Variants in KIF13A observed in about 807,000 individuals in gnomAD.
The protein encoded by KIF13A is kinesin-like protein KIF13A.
In KIF13A, 79 loss-of-function variants were observed where a neutral mutation model predicts 212.2. The observed-to-expected ratio is 0.37, with a 90% CI of 0.31 to 0.45. KIF13A has a LOEUF of 0.45. KIF13A is among the 20% of genes least tolerant of loss of function. The pLI is 1.00. For synonymous variants in KIF13A, 789 were observed against 808.6 expected (o/e 0.98, Z 0.41); for missense variants, 1,901 against 2,209.0 (o/e 0.86, Z 2.79).
Position 17,834,855 on chromosome 6 carries a change from C to A in KIF13A, c.1156-784G>T, listed in dbSNP as rs565527847. Among the ~76,000 whole-genome samples, 35 of 152,232 alleles carry A rather than the reference C, an allele frequency of 2.3e-4. 1 individual carries two copies. Among genetic ancestry groups the A allele is most frequent in the African/African-American group, 8.2e-4 (34 of 41,542 alleles). On this transcript the variant is annotated intron_variant, in intron 11 of 38. Transcript: ENST00000259711. The surrounding 1 kb of genome is among the most constrained non-coding windows in gnomAD (Gnocchi z 4.0). ...GTATGCCTGAGGCTCATGGTATTAACAGAGCCTGACAGTGGCATTTAGTGC... is the reference window on the plus strand; with the variant it reads ...GTATGCCTGAGGCTCATGGTATTAAAAGAGCCTGACAGTGGCATTTAGTGC...
rs1769485482 is a variant in KIF13A at position 17,867,165 on chromosome 6, A to G, written c.220+6212T>C. 2.6e-5 allele frequency among the ~76,000 whole-genome samples: 4 copies of G among 152,214 alleles called. No homozygotes were observed. In the South Asian group the frequency reaches 8.3e-4, roughly 32 times the overall value. On this transcript the variant is annotated intron_variant, in intron 4 of 38. Coordinates refer to ENST00000259711, the MANE Select transcript of KIF13A (RefSeq NM_022113.6). ...GTCAGTTGTACTTCTCTGTAATTACATAATTTAATTAACAAATGCAAAAAA... is the reference window on the plus strand; with the variant it reads ...GTCAGTTGTACTTCTCTGTAATTACGTAATTTAATTAACAAATGCAAAAAA...
chr6:17,793,855 A>T (rs1761813567), intron 25 of KIF13A, among the ~76,000 whole-genome samples: 1 of 152,108 alleles, frequency 6.6e-6, no homozygotes, highest in African/African-American at 2.4e-5. Flanking sequence ...TCAAGGCTGC[A>T]GTGAGCCATG....
Position 17,804,341 on chromosome 6 carries a change from C to T in KIF13A, c.2454+20G>A. Reference sequence around the variant, plus strand: ...AAAAACTTGAACCACCATCGTTCTCCAAGGCTGGCCTGTGCTTACCTCCCC... The same window carrying T: ...AAAAACTTGAACCACCATCGTTCTCTAAGGCTGGCCTGTGCTTACCTCCCC... On this transcript the variant is annotated intron_variant, in intron 20 of 38. Transcript: ENST00000259711. The T allele has an allele frequency of 6.7e-7, 1 of 1,485,446 alleles. No individual in the cohort carries two copies. Among genetic ancestry groups the T allele is most frequent in the Non-Finnish European group, 9.0e-7 (1 of 1,111,340 alleles). The allele number at this position is 1,485,446 out of a possible 1,614,324, so 92.0% of individuals were successfully genotyped here.
In KIF13A at chr6:17,799,972, C is replaced by G; in HGVS notation, c.2596G>C (p.Val866Leu). The G allele has an allele frequency of 6.2e-7, 1 of 1,613,884 alleles. No homozygotes were observed. The highest frequency in any genetic ancestry group is 8.5e-7 in the Non-Finnish European group (1 of 1,179,824). The change falls in exon 21 of 39, where the codon GTC becomes CTC. Residue 866 changes from valine (V) to leucine (L), a missense_variant. Physicochemically the swap from Val to Leu is conservative, Grantham distance 32 (BLOSUM62 1). Coordinates refer to ENST00000259711, the MANE Select transcript of KIF13A (RefSeq NM_022113.6). This position sits in a 1 kb window ranked among gnomAD's most constrained non-coding sequence, Gnocchi z 4.4. ...CTCACCCGACATGTCAGCTTTTTGA[C>G]TCGGTGAATGATTTCCCCGCTGCTG... Reference protein sequence around the residue: ...VDSSGEIIHRVKKLTCRVKIK... With the variant: ...VDSSGEIIHRLKKLTCRVKIK...
rs548879431 is a variant in KIF13A, at chr6:17,800,133, C to T, written c.2455-20G>A. On this transcript the variant is annotated intron_variant, in intron 20 of 38. Transcript: ENST00000259711. ...TGCAACCTGGGTCAAGGAACCAGAG[C>T]ACCTTAGAGTGAACAGACATCCTGT... The T allele has an allele frequency of 1.3e-5, 21 of 1,609,896 alleles. No homozygotes were observed. The East Asian group carries it at 3.3e-4, about 26-fold the overall frequency.
Position 17,839,584 on chromosome 6 carries a change from C to G in KIF13A, c.831-2001G>C, listed in dbSNP as rs1320219480. ...CCATTGTCCTGGGTTGAACAGTATT[C>G]ATGTCCGCCAGACCCTCAGAATGTG... On this transcript the variant is annotated intron_variant, in intron 9 of 38. Coordinates refer to ENST00000259711, the MANE Select transcript of KIF13A (RefSeq NM_022113.6). This position sits in a 1 kb window ranked among gnomAD's most constrained non-coding sequence, Gnocchi z 4.3. Among the ~76,000 whole-genome samples the G allele has an allele frequency of 6.6e-6, 1 of 152,168 alleles. No homozygotes were observed. The highest frequency in any genetic ancestry group is 1.5e-5 in the Non-Finnish European group (1 of 68,030).
In KIF13A at chr6:17,914,818, A is replaced by T. The variant is rs1215009099; in HGVS notation, c.147-16638T>A. 6.6e-6 allele frequency among the ~76,000 whole-genome samples: 1 copy of T among 152,210 alleles called. No individual in the cohort carries two copies. Among genetic ancestry groups the T allele is most frequent in the Non-Finnish European group, 1.5e-5 (1 of 68,038 alleles). ...CAAAACAAAATTAAGCAGAGAAAAC[A>T]TGGCTCTTGTGCAATTCTCTTGTCA... On this transcript the variant is annotated intron_variant, in intron 2 of 38. Transcript: ENST00000259711. This position sits in a 1 kb window ranked among gnomAD's most constrained non-coding sequence, Gnocchi z 5.9.
rs1777507669 is a variant in KIF13A, at chr6:17,947,513, T to C, written c.146+39541A>G. On this transcript the variant is annotated intron_variant, in intron 2 of 38. Coordinates refer to ENST00000259711, the MANE Select transcript of KIF13A (RefSeq NM_022113.6). This position sits in a 1 kb window ranked among gnomAD's most constrained non-coding sequence, Gnocchi z 4.6. ...AAACTTCGTTGCCTGTTAAATTTCC[T>C]GAATTTGGTAATAGTCTTAGAAAAT... Among the ~76,000 whole-genome samples, 1 of 152,186 alleles carries C rather than the reference T, an allele frequency of 6.6e-6. No individual in the cohort carries two copies. Among genetic ancestry groups the C allele is most frequent in the African/African-American group, 2.4e-5 (1 of 41,450 alleles).
chr6:17,830,315 A>G (rs909349927), intron 13 of KIF13A, among the ~76,000 whole-genome samples: 3 of 152,164 alleles, frequency 2.0e-5, no homozygotes, highest in Non-Finnish European at 4.4e-5. Context: ...TCCAGAGTCT[A>G]TGAGACATGT....
At chr6:17,975,328 C>CA (rs1428225138) in intron 2 of KIF13A, among the ~76,000 whole-genome samples, 2 of 149,206 alleles carry the variant, frequency 1.3e-5, no homozygotes, top group Non-Finnish European at 3.0e-5. Flanking sequence ...TTAGTAGGTT[C>CA]TTGGTCTCAC....
chr6:17,961,203 A>G lies in KIF13A; in HGVS notation c.146+25851T>C, dbSNP rs557071662. Among the ~76,000 whole-genome samples, 1 of 151,440 alleles carries G rather than the reference A, an allele frequency of 6.6e-6. No homozygotes were observed. The highest frequency in any genetic ancestry group is 6.6e-5 in the Admixed American group (1 of 15,192). ...AAGAGCACTTCAAACTGGAGAAAAT[A>G]CGGAAGTGGAAACTGGGATGTGCAG... On this transcript the variant is annotated intron_variant, in intron 2 of 38. Coordinates refer to ENST00000259711, the MANE Select transcript of KIF13A (RefSeq NM_022113.6). This position sits in a 1 kb window ranked among gnomAD's most constrained non-coding sequence, Gnocchi z 4.1.
intron 2 of KIF13A, among the ~76,000 whole-genome samples, chr6:17,974,373 C>G (rs1230366693): frequency 6.6e-6 from 1 of 152,180 alleles, no homozygotes; most frequent in South Asian, 2.1e-4. Context: ...CCACTGCGCC[C>G]GGCGGGAACC....
chr6:17,942,268 C>T (rs1028013804), intron 2 of KIF13A, among the ~76,000 whole-genome samples: 1 of 151,938 alleles, frequency 6.6e-6, no homozygotes, highest in Non-Finnish European at 1.5e-5. Context: ...TGCCACTGCA[C>T]TCCAACCTGG....
At position 17,783,325 on chromosome 6, in the gene KIF13A, G is replaced by C. The variant is rs531700305; in HGVS notation, c.3544+321C>G. Reference sequence around the variant, plus strand: ...TGAGGAGAGTTAAGGGCACTAGTCAGAGATGCAGATTCATAGGCCCTTGCC... The same window carrying C: ...TGAGGAGAGTTAAGGGCACTAGTCACAGATGCAGATTCATAGGCCCTTGCC... On this transcript the variant is annotated intron_variant, in intron 29 of 38. Transcript: ENST00000259711. This position sits in a 1 kb window ranked among gnomAD's most constrained non-coding sequence, Gnocchi z 4.3. Among the ~76,000 whole-genome samples the C allele has an allele frequency of 3.3e-5, 5 of 152,344 alleles. No homozygotes were observed. The South Asian group carries it at 1.0e-3, about 32-fold the overall frequency.
intron 20 of KIF13A, among the ~76,000 whole-genome samples, chr6:17,800,954 G>A (rs989317569): frequency 2.0e-5 from 3 of 151,662 alleles, no homozygotes; most frequent in African/African-American, 4.8e-5. Flanking sequence ...GGCTGGTCTC[G>A]AACTCCTGAC....
chr6:17,945,453 T>C (rs1205180552), intron 2 of KIF13A, among the ~76,000 whole-genome samples: 1 of 151,730 alleles, frequency 6.6e-6, no homozygotes, highest in Non-Finnish European at 1.5e-5. Flanking sequence ...AAATTCAGCA[T>C]ACATACAGAA....
chr6:17,907,327 A>G (rs914032767), intron 2 of KIF13A, among the ~76,000 whole-genome samples: 4 of 152,176 alleles, frequency 2.6e-5, no homozygotes, highest in African/African-American at 9.7e-5. Context: ...CTTAACTGCT[A>G]TTGAGTATTG....
intron 2 of KIF13A, among the ~76,000 whole-genome samples, chr6:17,965,307 T>C (rs1197994233): frequency 6.7e-6 from 1 of 150,100 alleles, no homozygotes; most frequent in Non-Finnish European, 1.5e-5. Flanking sequence ...TAAGTGTTGT[T>C]TCCATACAAC....
chr6:17,791,436 G>A (rs1004646221), intron 25 of KIF13A, among the ~76,000 whole-genome samples: 4 of 149,554 alleles, frequency 2.7e-5, no homozygotes, highest in African/African-American at 4.9e-5. Context: ...CTTAACAGAC[G>A]TGACCTGGAA....
Sources: gnomAD v4.1 joint callset for allele counts (sites outside exome capture counted in the v4.1 genomes callset) on GRCh38, gnomAD v4.1.1 for gene constraint, Gnocchi (gnomAD v3.1) non-coding constraint, MANE v1.5 for transcripts, NCBI Gene and HGNC (gene_info 2026-07-23, HGNC 2026-07-21) for gene names.